Variants in PDS5A observed in about 807,000 individuals in gnomAD.
PDS5A encodes sister chromatid cohesion protein PDS5 homolog A.
A neutral mutation model predicts 167.1 loss-of-function variants in PDS5A; 42 were observed. The ratio of observed to expected loss-of-function variants is 0.25; its 90% confidence interval spans 0.20 to 0.33. The LOEUF (loss-of-function observed/expected upper bound fraction) is 0.33, where lower values mean the gene tolerates loss of function less well. PDS5A is among the 10% of genes least tolerant of loss of function. The probability of loss-of-function intolerance (pLI) is 1.00; values close to 1 mark genes in which losing one functional copy is unlikely to be tolerated. For synonymous variants in PDS5A, 553 were observed against 554.6 expected (o/e 1.00, Z 0.04); for missense variants, 1,033 against 1,605.9 (o/e 0.64, Z 6.10).
rs181922259 is a variant in PDS5A, at chr4:39,974,694, C to A, written c.138+1746G>T. Among the ~76,000 whole-genome samples the A allele has an allele frequency of 5.7e-3, 867 of 152,184 alleles. 3 individuals are homozygous for A. Among genetic ancestry groups the A allele is most frequent in the Non-Finnish European group, 9.9e-3 (671 of 68,018 alleles). On this transcript the variant is annotated intron_variant, in intron 2 of 32. Coordinates refer to ENST00000303538, the MANE Select transcript of PDS5A (RefSeq NM_001100399.2). ...CAGTAGCTAGGATTACAGGTATGCGCCACCACGCCCAGCTAATTTTGTATT... is the reference window on the plus strand; with the variant it reads ...CAGTAGCTAGGATTACAGGTATGCGACACCACGCCCAGCTAATTTTGTATT...
intron 28 of PDS5A, chr4:39,846,230 C>A: frequency 6.4e-6 from 1 of 155,824 alleles, no homozygotes; most frequent in Non-Finnish European, 1.4e-5. Context: ...TGTGGTGACT[C>A]ATGCCTGTGA....
chr4:39,921,199 C>T (rs1724925595), intron 6 of PDS5A, among the ~76,000 whole-genome samples: 1 of 152,058 alleles, frequency 6.6e-6, no homozygotes, highest in African/African-American at 2.4e-5. Flanking sequence ...ATCACTGCAA[C>T]AACTACACAA....
At position 39,926,874 on chromosome 4, in the gene PDS5A, A is replaced by C; in HGVS notation, c.343-13T>G. On this transcript the variant is annotated splice_polypyrimidine_tract_variant and intron_variant, in intron 3 of 32. Coordinates refer to ENST00000303538, the MANE Select transcript of PDS5A (RefSeq NM_001100399.2). ...ACAAAAATATGTCCTGTTAAAAAAA[A>C]AAACACATTAATTTAGACACAAATA... is the stretch of plus-strand genomic sequence containing the variant. 1 of 1,405,158 alleles carries C rather than the reference A, an allele frequency of 7.1e-7. No homozygotes were observed. Among genetic ancestry groups the C allele is most frequent in the Non-Finnish European group, 9.4e-7 (1 of 1,067,708 alleles). 87.0% of individuals were successfully genotyped at this position (1,405,158 alleles called of 1,614,324 possible). A position where few individuals can be genotyped will look rare whatever the true frequency, so the allele number is the denominator to read the frequency against.
chr4:39,971,420 T>C (rs1259397022), intron 2 of PDS5A, among the ~76,000 whole-genome samples: 5 of 150,458 alleles, frequency 3.3e-5, no homozygotes, highest in African/African-American at 7.4e-5. Context: ...CCTCCCAAAG[T>C]GCTGAGATTA....
chr4:39,929,293 G>T (rs967161746), intron 2 of PDS5A, among the ~76,000 whole-genome samples: 16 of 151,740 alleles, frequency 1.1e-4, no homozygotes. Context: ...TGTTAAGCTG[G>T]TGGGCACAAT....
At chr4:39,966,648 T>TA (rs1341145354) in intron 2 of PDS5A, among the ~76,000 whole-genome samples, 3 of 152,190 alleles carry the variant, frequency 2.0e-5, no homozygotes, top group African/African-American at 7.2e-5. Context: ...AGGGTAGCTG[T>TA]ATTAATGTCT....
At chr4:39,881,154 C>T (rs571715323) in intron 17 of PDS5A, among the ~76,000 whole-genome samples, 19 of 151,934 alleles carry the variant, frequency 1.3e-4, no homozygotes, top group African/African-American at 4.3e-4. Flanking sequence ...TTTTTATGGC[C>T]GAATAGTATT....
intron 31 of PDS5A, among the ~76,000 whole-genome samples, chr4:39,841,468 G>A (rs1045466880): frequency 1.3e-5 from 2 of 152,068 alleles, no homozygotes; most frequent in African/African-American, 4.8e-5. Context: ...AGTTGAAATG[G>A]GTAGTATAGG....
At position 39,907,822 on chromosome 4, in the gene PDS5A, G is replaced by A. The variant is rs551679586; in HGVS notation, c.1233+573C>T. The stretch of plus-strand genomic sequence containing the variant: ...AGGATGGTCTCGATCTCCTGACCTC[G>A]TGATCCGCCCGCCTCGGCCTCCCAA... On this transcript the variant is annotated intron_variant, in intron 11 of 32. Coordinates refer to ENST00000303538, the MANE Select transcript of PDS5A (RefSeq NM_001100399.2). 8.5e-5 allele frequency among the ~76,000 whole-genome samples: 13 copies of A among 152,078 alleles called. No homozygotes were observed. In the East Asian group the frequency reaches 2.5e-3, roughly 29 times the overall value.
chr4:39,923,688 A>G (rs1578751889), intron 5 of PDS5A, among the ~76,000 whole-genome samples: 1 of 111,130 alleles, frequency 9.0e-6, no homozygotes, highest in African/African-American at 2.9e-5. Context: ...CACTTCAAGG[A>G]AAGAACACTT....
intron 2 of PDS5A, among the ~76,000 whole-genome samples, chr4:39,959,267 A>C (rs1187976479): frequency 6.6e-6 from 1 of 152,218 alleles, no homozygotes; most frequent in Non-Finnish European, 1.5e-5. Context: ...CAATGCCACT[A>C]CTTTAGTAGG....
intron 2 of PDS5A, among the ~76,000 whole-genome samples, chr4:39,939,640 A>T (rs185055348): frequency 1.3e-5 from 2 of 152,198 alleles, no homozygotes; most frequent in Admixed American, 6.5e-5. Context: ...CTAAAAATAC[A>T]ACAATTAGTC....
intron 17 of PDS5A, among the ~76,000 whole-genome samples, chr4:39,885,645 T>C (rs1196693017): frequency 6.6e-6 from 1 of 152,010 alleles, no homozygotes; most frequent in Non-Finnish European, 1.5e-5. Flanking sequence ...CTGCGTATAG[T>C]GGCTCACGCC....
In PDS5A at chr4:39,861,109, C is replaced by T. The variant is rs989332814; in HGVS notation, c.3086+1110G>A. Reference sequence around the variant, plus strand: ...AATAAAAATGAAGATCTTATACAGGCAGACAGTAGAAGGGTGGTTATCAGA... The same window carrying T: ...AATAAAAATGAAGATCTTATACAGGTAGACAGTAGAAGGGTGGTTATCAGA... On this transcript the variant is annotated intron_variant, in intron 26 of 32. Transcript: ENST00000303538. Among the ~76,000 whole-genome samples the T allele has an allele frequency of 3.3e-5, 5 of 150,552 alleles. No homozygotes were observed. In the Admixed American group the frequency reaches 3.3e-4, roughly 10 times the overall value.
intron 8 of PDS5A, 84 bp downstream of exon 8, chr4:39,916,964 G>A: frequency 1.5e-6 from 1 of 662,798 alleles, no homozygotes; most frequent in Non-Finnish European, 2.3e-6. Flanking sequence ...AGTTTAAAGG[G>A]CATGAAAATT....
At chr4:39,841,019 G>A (rs1716956622) in intron 31 of PDS5A, among the ~76,000 whole-genome samples, 1 of 142,044 alleles carries the variant, frequency 7.0e-6, no homozygotes, top group East Asian at 2.2e-4. Flanking sequence ...GCCTCCCAAA[G>A]TGCACGATTA....
At chr4:39,938,127 T>C (rs900329366) in intron 2 of PDS5A, among the ~76,000 whole-genome samples, 1 of 152,228 alleles carries the variant, frequency 6.6e-6, no homozygotes, top group East Asian at 1.9e-4. Flanking sequence ...GTTTTCTGTA[T>C]ATCACTTTCC....
chr4:39,951,143 T>C (rs1195398400), intron 2 of PDS5A, among the ~76,000 whole-genome samples: 1 of 152,126 alleles, frequency 6.6e-6, no homozygotes, highest in African/African-American at 2.4e-5. Flanking sequence ...CCCTCATGCC[T>C]CAATCTCCCA....
intron 2 of PDS5A, among the ~76,000 whole-genome samples, chr4:39,966,066 C>T (rs1729940569): frequency 6.6e-6 from 1 of 152,124 alleles, no homozygotes; most frequent in Non-Finnish European, 1.5e-5. Flanking sequence ...CTGCACTAAG[C>T]CTCCCTTCAC....
Sources: allele counts gnomAD v4.1 joint callset (sites outside exome capture counted in the v4.1 genomes callset), GRCh38; gene constraint gnomAD v4.1.1; transcripts MANE v1.5; gene names NCBI Gene and HGNC (gene_info 2026-07-23, HGNC 2026-07-21).